The following DNM3 variants were observed in gnomAD, a reference collection of about 807,000 sequenced individuals.
DNM3 encodes dynamin 3.
DNM3 carries 47 observed loss-of-function variants against 101.6 expected under a neutral mutation model. The ratio of observed to expected loss-of-function variants is 0.46; its 90% CI spans 0.37 to 0.59. The LOEUF is 0.59. Among genes scored for constraint, DNM3 ranks in the 20% least tolerant of loss-of-function variants. The pLI is 0.00. For missense variants in DNM3, 849 were observed against 1,085.7 expected, an observed-to-expected ratio of 0.78 and a Z score of 3.06; for synonymous variants, 385 against 387.9, an observed-to-expected ratio of 0.99 and a Z score of 0.09.
intron 14 of DNM3, among the ~76,000 whole-genome samples, chr1:172,188,578 T>C (rs2059600053): frequency 6.6e-6 from 1 of 152,098 alleles, no homozygotes; most frequent in Admixed American, 6.6e-5. Context: ...CATTCACCCA[T>C]AGAGGGACAT....
chr1:172,210,107 T>C (rs2060461392), intron 14 of DNM3, among the ~76,000 whole-genome samples: 1 of 152,056 alleles, frequency 6.6e-6, no homozygotes, highest in Non-Finnish European at 1.5e-5. Context: ...AGATGTGAGT[T>C]AGGTAAGGAA....
intron 16 of DNM3, among the ~76,000 whole-genome samples, chr1:172,320,640 A>T (rs1451462992): frequency 2.0e-5 from 3 of 152,186 alleles, no homozygotes; most frequent in Non-Finnish European, 4.4e-5. Flanking sequence ...ATTAAGTATT[A>T]CTTCCCTTCT....
At position 171,845,304 on chromosome 1, in the gene DNM3, T is replaced by G. The variant is rs375285283; in HGVS notation, c.161+3487T>G. On this transcript the variant is annotated intron_variant, in intron 1 of 20. Transcript: ENST00000627582. Reference sequence around the variant, plus strand: ...GTACTCATGCTTATAACCCCAGTATTTGGGGAGGCCAAGGCGGGAGGATTG... The same window carrying G: ...GTACTCATGCTTATAACCCCAGTATGTGGGGAGGCCAAGGCGGGAGGATTG... Among the ~76,000 whole-genome samples, 3 of 152,282 alleles carry G rather than the reference T, an allele frequency of 2.0e-5. 1 individual carries two copies. The highest frequency in any genetic ancestry group is 7.2e-5 in the African/African-American group (3 of 41,550).
intron 15 of DNM3, among the ~76,000 whole-genome samples, chr1:172,306,967 G>T (rs1260069740): frequency 1.3e-5 from 2 of 152,122 alleles, no homozygotes; most frequent in Non-Finnish European, 2.9e-5. Context: ...ATAGGCATGG[G>T]CAAGGACTTC....
At position 172,381,562 on chromosome 1, in the gene DNM3, T is replaced by C. The variant is rs77170014; in HGVS notation, c.2058+2380T>C. Among the ~76,000 whole-genome samples the C allele has an allele frequency of 7.0e-4, 107 of 151,902 alleles. 3 individuals carry two copies. The East Asian group carries it at 0.02, about 28-fold the overall frequency. On this transcript the variant is annotated intron_variant, in intron 18 of 20. Coordinates refer to ENST00000627582, the MANE Select transcript of DNM3 (RefSeq NM_015569.5). ...GAAAAATATATATCTCTTTTATTAA[T>C]GTAGTCATATTGTCGTGGCATCTTA...
At chr1:172,025,267 G>A (rs2048121045) in intron 4 of DNM3, among the ~76,000 whole-genome samples, 1 of 152,216 alleles carries the variant, frequency 6.6e-6, no homozygotes, top group Non-Finnish European at 1.5e-5. Context: ...TCCTCTCTGG[G>A]CAGGGCATCT....
rs137988510 is a variant in DNM3 at position 171,999,280 on chromosome 1, T to C, written c.589+10132T>C. ...AGGTACACTGTGAAAGTAGAGCTGA[T>C]AGACTTTACTAATGGTTTGCTTCAT... On this transcript the variant is annotated intron_variant, in intron 4 of 20. Transcript: ENST00000627582. Among the ~76,000 whole-genome samples the C allele has an allele frequency of 1.1e-4, 17 of 152,242 alleles. 1 individual carries two copies. Among genetic ancestry groups the C allele is most frequent in the East Asian group, 7.7e-4 (4 of 5,166 alleles).
chr1:171,873,622 A>G (rs1466583917), intron 1 of DNM3, among the ~76,000 whole-genome samples: 1 of 152,212 alleles, frequency 6.6e-6, no homozygotes, highest in Non-Finnish European at 1.5e-5. Flanking sequence ...GGGAGGTGAC[A>G]GCATTAATTG....
chr1:172,171,664 A>G (rs2058966413), intron 14 of DNM3, among the ~76,000 whole-genome samples: 1 of 151,754 alleles, frequency 6.6e-6, no homozygotes, highest in African/African-American at 2.4e-5. Flanking sequence ...GTGAAGAGAT[A>G]CAATCATGCT....
intron 1 of DNM3, among the ~76,000 whole-genome samples, chr1:171,866,842 T>C (rs568128694): frequency 3.9e-5 from 6 of 152,248 alleles, no homozygotes; most frequent in African/African-American, 1.4e-4. Context: ...AATTCTCACA[T>C]AGTAGGTGTT....
At chr1:172,160,469 A>G (rs540442761) in intron 14 of DNM3, among the ~76,000 whole-genome samples, 2 of 152,012 alleles carry the variant, frequency 1.3e-5, no homozygotes, top group South Asian at 2.1e-4. Context: ...GTTAAAACAT[A>G]TAGACACAAA....
At chr1:172,301,783 T>G (rs1459107409) in intron 15 of DNM3, among the ~76,000 whole-genome samples, 1 of 151,974 alleles carries the variant, frequency 6.6e-6, no homozygotes, top group Non-Finnish European at 1.5e-5. Flanking sequence ...TAACAGTAAG[T>G]GAAAAAGCAT....
chr1:172,378,831 T>G (rs1276458872), intron 17 of DNM3, among the ~76,000 whole-genome samples, 187 bp from the exon 18 acceptor site: 2 of 151,988 alleles, frequency 1.3e-5, no homozygotes, highest in African/African-American at 2.4e-5. Context: ...GGCTAAAAAT[T>G]GAGTAATAAC....
chr1:172,407,717 A>C, intron 20 of DNM3, 55 bp from the exon 21 acceptor site: 1 of 1,572,900 alleles, frequency 6.4e-7, no homozygotes, highest in Non-Finnish European at 8.7e-7. Context: ...CCTTGGAACA[A>C]TGTTCTGCTA....
At chr1:171,935,439 G>A (rs1450802588) in intron 2 of DNM3, among the ~76,000 whole-genome samples, 3 of 152,172 alleles carry the variant, frequency 2.0e-5, no homozygotes, top group African/African-American at 7.2e-5. Context: ...TTAAGTGCTA[G>A]GTCAAGGTAA....
intron 15 of DNM3, among the ~76,000 whole-genome samples, chr1:172,267,449 G>A (rs1036641945): frequency 3.9e-5 from 6 of 152,008 alleles, no homozygotes; most frequent in Admixed American, 3.3e-4. Context: ...AATAGTTTGA[G>A]GACAAAAGGA....
At position 172,154,314 on chromosome 1, in the gene DNM3, C is replaced by T. The variant is rs189777792; in HGVS notation, c.1659+23026C>T. Among the ~76,000 whole-genome samples, 6 of 151,898 alleles carry T rather than the reference C, an allele frequency of 4.0e-5. No individual in the cohort carries two copies. In the East Asian group the frequency reaches 9.7e-4, roughly 24 times the overall value. ...GTTTACATTATATAATCTTTATTTA[C>T]CTGTATAAAGATTTTAAAACTGAGT... is the stretch of plus-strand genomic sequence containing the variant. On this transcript the variant is annotated intron_variant, in intron 14 of 20. Transcript: ENST00000627582.
At chr1:171,884,650 G>T (rs896528033) in intron 1 of DNM3, among the ~76,000 whole-genome samples, 2 of 152,156 alleles carry the variant, frequency 1.3e-5, no homozygotes, top group Non-Finnish European at 2.9e-5. Context: ...CATATGGTTG[G>T]CTGGGGGCTG....
intron 7 of DNM3, among the ~76,000 whole-genome samples, chr1:172,039,200 C>T (rs1241950998): frequency 6.6e-6 from 1 of 152,096 alleles, no homozygotes; most frequent in Non-Finnish European, 1.5e-5. Flanking sequence ...TGTCAAGTCC[C>T]TCTCAACAGG....
Sources: allele counts gnomAD v4.1 joint callset (sites outside exome capture counted in the v4.1 genomes callset), GRCh38; gene constraint gnomAD v4.1.1; transcripts MANE v1.5; gene names NCBI Gene and HGNC (gene_info 2026-07-23, HGNC 2026-07-21).